Variants in SNTG1 observed in about 807,000 individuals in gnomAD.
SNTG1 encodes syntrophin gamma 1.
A neutral mutation model predicts 74.7 loss-of-function variants in SNTG1; 39 were observed. The ratio of observed to expected loss-of-function variants is 0.52; its 90% confidence interval spans 0.40 to 0.68. The LOEUF (loss-of-function observed/expected upper bound fraction) is 0.68, where lower values mean the gene tolerates loss of function less well. SNTG1 is among the 30% of genes least tolerant of loss of function. The probability of loss-of-function intolerance (pLI) is 0.00; values close to 1 mark genes in which losing one functional copy is unlikely to be tolerated. For synonymous variants in SNTG1, 254 were observed against 217.1 expected, an observed-to-expected ratio of 1.17 and a Z score of -1.49; for missense variants, 685 against 609.5, an observed-to-expected ratio of 1.12 and a Z score of -1.30.
At chr8:50,460,482 A>T (rs147992465) in intron 8 of SNTG1, among the ~76,000 whole-genome samples, 1 of 152,056 alleles carries the variant, frequency 6.6e-6, no homozygotes, top group Non-Finnish European at 1.5e-5. Context: ...GAAGCTGTTT[A>T]GTTTAATTAG....
At chr8:50,332,041 G>T (rs764123591) in intron 2 of SNTG1, among the ~76,000 whole-genome samples, 2 of 152,212 alleles carry the variant, frequency 1.3e-5, no homozygotes, top group Non-Finnish European at 2.9e-5. Flanking sequence ...AGGCCATGCT[G>T]TTAAGTAGTT....
At position 50,734,932 on chromosome 8, in the gene SNTG1, T is replaced by G. The variant is rs1224967454; in HGVS notation, c.1285-17069T>G. On this transcript the variant is annotated intron_variant, in intron 17 of 18. Transcript: ENST00000642720. The stretch of plus-strand genomic sequence containing the variant: ...ATCTATATATATGTCCATATACATA[T>G]ATAGATATATATGGACATATATATC... Among the ~76,000 whole-genome samples, 24 of 142,196 alleles carry G rather than the reference T, an allele frequency of 1.7e-4. 3 individuals carry two copies. Among genetic ancestry groups the G allele is most frequent in the Admixed American group, 1.4e-4 (2 of 13,982 alleles). 93.3% of individuals were successfully genotyped at this position (142,196 alleles called of 152,430 possible).
intron 4 of SNTG1, among the ~76,000 whole-genome samples, chr8:50,420,000 G>T (rs1477884856): frequency 6.6e-6 from 1 of 151,716 alleles, no homozygotes; most frequent in African/African-American, 2.4e-5. Context: ...CAGGGAAATT[G>T]GACTGAAAAA....
chr8:50,503,036 A>AG (rs2093977332), intron 9 of SNTG1, among the ~76,000 whole-genome samples, 156 bp downstream of exon 9: 1 of 152,202 alleles, frequency 6.6e-6, no homozygotes, highest in East Asian at 1.9e-4. Flanking sequence ...CTTTATGAAA[A>AG]GGGAACAGAT....
chr8:50,179,886 T>C (rs2083138198), intron 2 of SNTG1, among the ~76,000 whole-genome samples: 1 of 152,140 alleles, frequency 6.6e-6, no homozygotes, highest in South Asian at 2.1e-4. Flanking sequence ...TCTCAAAAAA[T>C]TAAAAACAGA....
At chr8:50,336,063 A>G (rs988434036) in intron 2 of SNTG1, among the ~76,000 whole-genome samples, 4 of 152,108 alleles carry the variant, frequency 2.6e-5, no homozygotes, top group African/African-American at 7.2e-5. Context: ...AGGAAGGGTG[A>G]GATGAATTAA....
intron 2 of SNTG1, among the ~76,000 whole-genome samples, chr8:50,220,423 A>C (rs374116194): frequency 2.0e-5 from 3 of 152,168 alleles, no homozygotes; most frequent in Non-Finnish European, 4.4e-5. Flanking sequence ...AAGACAGTAC[A>C]AAACTATGCA....
At chr8:50,312,066 T>C (rs984823189) in intron 2 of SNTG1, among the ~76,000 whole-genome samples, 1 of 118,264 alleles carries the variant, frequency 8.5e-6, no homozygotes, top group Non-Finnish European at 2.0e-5. Context: ...TGTTTTTGTA[T>C]GTTTTTAAAA....
At chr8:50,089,201 A>G (rs1428652022) in intron 1 of SNTG1, among the ~76,000 whole-genome samples, 1 of 152,108 alleles carries the variant, frequency 6.6e-6, no homozygotes, top group African/African-American at 2.4e-5. Context: ...CTGGCTAGCC[A>G]TATGTAGAAA....
intron 1 of SNTG1, among the ~76,000 whole-genome samples, chr8:49,931,457 A>G (rs560227602): frequency 1.3e-5 from 2 of 152,292 alleles, no homozygotes; most frequent in South Asian, 4.1e-4. Flanking sequence ...ATTGGGTACA[A>G]TGCTCACTAT....
At chr8:50,724,621 T>C (rs2095495702) in intron 17 of SNTG1, among the ~76,000 whole-genome samples, 1 of 152,114 alleles carries the variant, frequency 6.6e-6, no homozygotes, top group Non-Finnish European at 1.5e-5. Flanking sequence ...CTAATCATTT[T>C]TGGTAGATTA....
chr8:50,051,270 A>AC (rs1554559605), intron 1 of SNTG1, among the ~76,000 whole-genome samples: 66 of 150,218 alleles, frequency 4.4e-4, no homozygotes, highest in South Asian at 1.3e-3. Context: ...ACACACACAC[A>AC]AACAAACAAG....
intron 2 of SNTG1, among the ~76,000 whole-genome samples, chr8:50,259,508 A>AAAAAAGAAAGAAAG (rs1554621879): frequency 1.3e-4 from 2 of 15,766 alleles, no homozygotes; most frequent in African/African-American, 1.5e-4. Flanking sequence ...CAAAAAAAAA[A>AAAAAAGAAAGAAAG]AAAGAAAGAA....
At chr8:50,441,314 T>G (rs559228206) in intron 5 of SNTG1, among the ~76,000 whole-genome samples, 1 of 152,206 alleles carries the variant, frequency 6.6e-6, no homozygotes, top group East Asian at 1.9e-4. Flanking sequence ...GGTGGGAAAA[T>G]AAAAGTTAGC....
intron 2 of SNTG1, among the ~76,000 whole-genome samples, chr8:50,210,198 A>G (rs1272471711): frequency 2.0e-5 from 3 of 152,176 alleles, no homozygotes; most frequent in Non-Finnish European, 4.4e-5. Flanking sequence ...AAAAGAAACA[A>G]ACAAAGCCTC....
chr8:50,366,329 C>T (rs908880425), intron 2 of SNTG1, among the ~76,000 whole-genome samples: 5 of 152,186 alleles, frequency 3.3e-5, no homozygotes, highest in Non-Finnish European at 7.4e-5. Flanking sequence ...CACAGAACTG[C>T]ATCTTTACCC....
At chr8:50,142,616 T>C (rs2081705228) in intron 1 of SNTG1, among the ~76,000 whole-genome samples, 1 of 152,072 alleles carries the variant, frequency 6.6e-6, no homozygotes, top group Non-Finnish European at 1.5e-5. Context: ...CAGGAAGAGA[T>C]AAGGTTTTGT....
intron 8 of SNTG1, among the ~76,000 whole-genome samples, chr8:50,494,506 G>C (rs950352665): frequency 1.3e-5 from 2 of 151,828 alleles, no homozygotes; most frequent in African/African-American, 4.8e-5. Context: ...TTATCACTCT[G>C]TTCCTGATGC....
intron 17 of SNTG1, among the ~76,000 whole-genome samples, chr8:50,728,843 C>T (rs1400791856): frequency 1.3e-5 from 2 of 152,150 alleles, no homozygotes; most frequent in African/African-American, 2.4e-5. Context: ...AAATCTTTCA[C>T]CTCTGTCCAT....
Sources: allele counts gnomAD v4.1 joint callset (sites outside exome capture counted in the v4.1 genomes callset), GRCh38; gene constraint gnomAD v4.1.1; transcripts MANE v1.5; gene names NCBI Gene and HGNC (gene_info 2026-07-23, HGNC 2026-07-21).